PLD5: variants seen among roughly 807,000 people sequenced by gnomAD.
PLD5 encodes the protein inactive phospholipase D5.
Under a neutral mutation model 61.1 loss-of-function variants are expected in PLD5, and 36 were observed. The ratio of observed to expected loss-of-function variants is 0.59; its 90% CI spans 0.45 to 0.78. PLD5 has a LOEUF of 0.78. PLD5 is among the 30% of genes least tolerant of loss of function. The pLI is 0.00. For missense variants in PLD5, 515 were observed against 644.4 expected, an observed-to-expected ratio of 0.80 and a Z score of 2.17; for synonymous variants, 243 against 242.8, an observed-to-expected ratio of 1.00 and a Z score of -0.01.
intron 9 of PLD5, among the ~76,000 whole-genome samples, chr1:242,096,684 T>TC (rs1491199342): frequency 9.3e-5 from 6 of 64,438 alleles, no homozygotes; most frequent in Non-Finnish European, 1.9e-4. Flanking sequence ...GTCTTTTTTG[T>TC]TTTTTTTTTT....
chr1:242,502,369 T>C (rs1192003414), intron 1 of PLD5, among the ~76,000 whole-genome samples: 1 of 152,214 alleles, frequency 6.6e-6, no homozygotes, highest in African/African-American at 2.4e-5. Context: ...CAAGCACGCA[T>C]ACTGCCCTTT....
At chr1:242,365,210 G>T (rs936455846) in intron 1 of PLD5, 1 of 152,176 alleles carries the variant, frequency 6.6e-6, no homozygotes, top group African/African-American at 2.4e-5. Context: ...AGTCTCTCAG[G>T]ACACCCTGTA....
At chr1:242,525,232 C>G (rs1311233415), upstream of PLD5, among the ~76,000 whole-genome samples, 1 of 149,438 alleles carries the variant, frequency 6.7e-6, no homozygotes, top group African/African-American at 2.5e-5. Flanking sequence ...GATGCAAATA[C>G]GCCCGGGGGC....
chr1:242,387,560 T>C (rs1053243798), intron 1 of PLD5, among the ~76,000 whole-genome samples: 10 of 152,080 alleles, frequency 6.6e-5, no homozygotes, highest in Admixed American at 1.3e-4. Context: ...TTTCTTTGGC[T>C]GGTGATATGT....
At chr1:242,241,388 T>C (rs1369832415) in intron 4 of PLD5, among the ~76,000 whole-genome samples, 2 of 152,200 alleles carry the variant, frequency 1.3e-5, no homozygotes, top group Non-Finnish European at 2.9e-5. Context: ...TCAATTCAAA[T>C]ACCTAAAAAT....
At chr1:242,472,816 A>G (rs1667483139) in intron 1 of PLD5, among the ~76,000 whole-genome samples, 1 of 152,182 alleles carries the variant, frequency 6.6e-6, no homozygotes, top group Admixed American at 6.5e-5. Flanking sequence ...TGTTCCATCT[A>G]TGAATTTCAG....
intron 2 of PLD5, among the ~76,000 whole-genome samples, chr1:242,324,641 C>T (rs1658635892): frequency 6.6e-6 from 1 of 152,194 alleles, no homozygotes; most frequent in Non-Finnish European, 1.5e-5. Flanking sequence ...AACAAATCAT[C>T]CACAAGATTA....
At chr1:242,112,339 G>GATAGATAGATAGATAGATAGATAGATAGA (rs1558233108) in intron 7 of PLD5, among the ~76,000 whole-genome samples, 2 of 143,304 alleles carry the variant, frequency 1.4e-5, no homozygotes, top group African/African-American at 5.1e-5. Context: ...ATGTATATGT[G>GATAGATAGATAGATAGATAGATAGATAGA]TATATATATA....
At chr1:242,289,644 T>C (rs1002140985) in intron 2 of PLD5, among the ~76,000 whole-genome samples, 22 of 152,238 alleles carry the variant, frequency 1.4e-4, no homozygotes, top group African/African-American at 5.3e-4. Flanking sequence ...CATGAGCCAC[T>C]GCACCCAGCC....
intron 5 of PLD5, among the ~76,000 whole-genome samples, chr1:242,199,592 T>A (rs112819505): frequency 6.6e-6 from 1 of 152,168 alleles, no homozygotes; most frequent in Admixed American, 6.5e-5. Context: ...TTTATTGCAC[T>A]GTGGTGAAAT....
chr1:242,352,550 C>T (rs938703180), intron 1 of PLD5, among the ~76,000 whole-genome samples: 2 of 152,182 alleles, frequency 1.3e-5, no homozygotes, highest in Non-Finnish European at 2.9e-5. Context: ...GATTTAAAAT[C>T]TTTGGGTAAA....
At chr1:242,441,397 A>T (rs1666267966) in intron 1 of PLD5, among the ~76,000 whole-genome samples, 2 of 152,124 alleles carry the variant, frequency 1.3e-5, no homozygotes, top group Non-Finnish European at 2.9e-5. Context: ...ACCAACAGTT[A>T]TTAGCCCTAA....
intron 1 of PLD5, among the ~76,000 whole-genome samples, chr1:242,444,731 T>TTATATAATAAAATATA (rs1558572573): frequency 1.4e-5 from 1 of 71,120 alleles, no homozygotes. Context: ...AATATATATA[T>TTATATAATAAAATATA]TATTTGTATA....
At chr1:242,263,775 A>G (rs1053744529) in intron 4 of PLD5, among the ~76,000 whole-genome samples, 1 of 152,254 alleles carries the variant, frequency 6.6e-6, no homozygotes, top group Non-Finnish European at 1.5e-5. Context: ...AAATTTTAAC[A>G]TATAGTTCAC....
At chr1:242,345,066 C>G (rs1660050844) in intron 2 of PLD5, among the ~76,000 whole-genome samples, 1 of 152,166 alleles carries the variant, frequency 6.6e-6, no homozygotes, top group Non-Finnish European at 1.5e-5. Context: ...CAATTACCTC[C>G]TCCTGGGTCC....
rs575297213 is a variant in PLD5, at chr1:242,455,635, T to C, written c.189+68453A>G. 1.1e-3 allele frequency among the ~76,000 whole-genome samples: 164 copies of C among 152,324 alleles called. 2 individuals are homozygous for C. The highest frequency in any genetic ancestry group is 1.1e-3 in the Non-Finnish European group (74 of 68,030). ...TGATTATCCTTCAATTTGTAGGCAA[T>C]GAAGTAGGCGCTTATATGGACTCCC... On this transcript the variant is annotated intron_variant, in intron 1 of 9. Transcript: ENST00000536534.
intron 1 of PLD5, among the ~76,000 whole-genome samples, chr1:242,444,713 A>ATTATAATAATTATAT (rs1298831838): frequency 5.7e-4 from 75 of 130,770 alleles, no homozygotes; most frequent in Admixed American, 7.7e-4. Flanking sequence ...TATATTATAT[A>ATTATAATAATTATAT]ATAAAATAAT....
chr1:242,198,796 G>A (rs1250664003), intron 5 of PLD5, among the ~76,000 whole-genome samples: 1 of 151,628 alleles, frequency 6.6e-6, no homozygotes, highest in Non-Finnish European at 1.5e-5. Flanking sequence ...GTGCAGTGGC[G>A]CAGTCTCAGC....
At chr1:242,341,693 T>G (rs1188182583) in intron 2 of PLD5, among the ~76,000 whole-genome samples, 1 of 141,550 alleles carries the variant, frequency 7.1e-6, no homozygotes, top group African/African-American at 2.6e-5. Context: ...GCCTATAATA[T>G]TACATGGGAC....
Sources: allele counts gnomAD v4.1 joint callset (sites outside exome capture counted in the v4.1 genomes callset), GRCh38; gene constraint gnomAD v4.1.1; transcripts MANE v1.5; gene names NCBI Gene and HGNC (gene_info 2026-07-23, HGNC 2026-07-21).